SYBU: variants seen among roughly 807,000 people sequenced by gnomAD.
The protein encoded by SYBU is syntabulin.
In SYBU, 21 loss-of-function variants were observed where a neutral mutation model predicts 35.9. That is an observed-to-expected ratio of 0.58 (90% confidence interval 0.41 to 0.84). The LOEUF (loss-of-function observed/expected upper bound fraction) is 0.84. Among genes scored for constraint, SYBU ranks in the 40% least tolerant of loss-of-function variants. The probability of loss-of-function intolerance (pLI) is 0.00; values close to 1 mark genes in which losing one functional copy is unlikely to be tolerated. For synonymous variants in SYBU, 319 were observed against 324.3 expected, an observed-to-expected ratio of 0.98 and a Z score of 0.18; for missense variants, 768 against 848.2, an observed-to-expected ratio of 0.91 and a Z score of 1.17.
At chr8:109,581,417 T>C (rs1823021062) in intron 4 of SYBU, among the ~76,000 whole-genome samples, 1 of 152,336 alleles carries the variant, frequency 6.6e-6, no homozygotes, top group South Asian at 2.1e-4. Context: ...TGCATGTGAG[T>C]ACATTCCACA....
chr8:109,670,341 G>T (rs181138286), intron 1 of SYBU, among the ~76,000 whole-genome samples: 1 of 149,778 alleles, frequency 6.7e-6, no homozygotes, highest in African/African-American at 2.5e-5. Flanking sequence ...TTGGTGTGCT[G>T]CACCCATTAA....
chr8:109,645,305 C>T (rs540010552), upstream of SYBU: 44 of 456,684 alleles, frequency 9.6e-5, no homozygotes, highest in African/African-American at 7.0e-4. Context: ...CCAGCCAAGC[C>T]AGTGCGTCAG....
At chr8:109,595,251 T>TA (rs927025991) in intron 3 of SYBU, among the ~76,000 whole-genome samples, 5 of 151,614 alleles carry the variant, frequency 3.3e-5, no homozygotes, top group African/African-American at 7.3e-5. Context: ...AGCATGAAAA[T>TA]AAAAAAAATA....
intron 1 of SYBU, among the ~76,000 whole-genome samples, chr8:109,680,533 A>G (rs1224850493): frequency 1.8e-5 from 1 of 54,988 alleles, no homozygotes; most frequent in African/African-American, 1.6e-4. Context: ...GAAAACTTAA[A>G]TTTTCTCCCG....
chr8:109,681,877 C>T (rs527582310), upstream of SYBU, among the ~76,000 whole-genome samples: 107 of 152,226 alleles, frequency 7.0e-4, no homozygotes, highest in Non-Finnish European at 1.3e-3. Flanking sequence ...TACCTCCATG[C>T]TGTTCTTGTG....
intron 2 of SYBU, among the ~76,000 whole-genome samples, chr8:109,628,644 G>T (rs1813240279): frequency 6.6e-6 from 1 of 152,214 alleles, no homozygotes; most frequent in African/African-American, 2.4e-5. Context: ...CACCCAGCCA[G>T]AGACCCTCAT....
chr8:109,684,399 A>G (rs1286391019), upstream of SYBU, among the ~76,000 whole-genome samples: 1 of 152,256 alleles, frequency 6.6e-6, no homozygotes. Flanking sequence ...TAAGAGCTGA[A>G]TAATAGATGC....
At chr8:109,598,261 CA>C (rs1825121408) in intron 3 of SYBU, among the ~76,000 whole-genome samples, 1 of 152,158 alleles carries the variant, frequency 6.6e-6, no homozygotes, top group Admixed American at 6.5e-5. Context: ...ATTTTGGGAA[CA>C]TTTTTACATA....
upstream of SYBU, chr8:109,646,527 G>A (rs1815714240): frequency 6.6e-6 from 1 of 152,202 alleles, no homozygotes; most frequent in Non-Finnish European, 1.5e-5. Context: ...TATTTGGGAA[G>A]AAGAGGTGAT....
chr8:109,655,522 T>C (rs563922829), intron 1 of SYBU, among the ~76,000 whole-genome samples: 1 of 152,304 alleles, frequency 6.6e-6, no homozygotes, highest in Non-Finnish European at 1.5e-5. Context: ...ATACATACAT[T>C]TCATCCTATG....
intron 2 of SYBU, among the ~76,000 whole-genome samples, chr8:109,624,583 A>G (rs1369392810): frequency 6.6e-6 from 1 of 152,200 alleles, no homozygotes; most frequent in African/African-American, 2.4e-5. Context: ...AAATGCACCC[A>G]TCGAGTCTTC....
At chr8:109,626,690 C>T (rs1813015443) in intron 2 of SYBU, among the ~76,000 whole-genome samples, 1 of 152,014 alleles carries the variant, frequency 6.6e-6, no homozygotes, top group South Asian at 2.1e-4. Flanking sequence ...CTGGCAGATC[C>T]CTTGAACCCA....
At chr8:109,632,938 T>G (rs1006883906) in intron 2 of SYBU, among the ~76,000 whole-genome samples, 1 of 152,224 alleles carries the variant, frequency 6.6e-6, no homozygotes, top group Admixed American at 6.5e-5. Context: ...TGTTTATTGC[T>G]CTAGCTCAGC....
chr8:109,575,381 A>G lies in SYBU; in HGVS notation c.1517T>C (p.Val506Ala). Residue 506 changes from valine to alanine, a missense_variant, in exon 7 of 7, where the codon GTG (valine) becomes GCG (alanine). Physicochemically the swap from Val to Ala is moderately conservative, Grantham distance 64. Coordinates refer to ENST00000276646, the MANE Select transcript of SYBU (RefSeq NM_001099754.2). ...ACAGGGGTCCTGGAGCTTCTGCAGCACACTCTGAATGAGCTCTGAGATGGC... is the reference window on the plus strand; with the variant it reads ...ACAGGGGTCCTGGAGCTTCTGCAGCGCACTCTGAATGAGCTCTGAGATGGC... ...SPAISELIQS[V>A]LQKLQDPCPS... 1 of 1,614,132 alleles carries G rather than the reference A, an allele frequency of 6.2e-7. No homozygotes were observed. Among genetic ancestry groups the G allele is most frequent in the African/African-American group, 1.3e-5 (1 of 75,020 alleles).
At chr8:109,621,022 T>C (rs1372205138) in intron 2 of SYBU, among the ~76,000 whole-genome samples, 2 of 152,204 alleles carry the variant, frequency 1.3e-5, no homozygotes, top group Non-Finnish European at 2.9e-5. Context: ...TTTAACATTA[T>C]TTCCTTATGA....
At chr8:109,635,179 G>C (rs1814082073) in intron 2 of SYBU, among the ~76,000 whole-genome samples, 1 of 152,178 alleles carries the variant, frequency 6.6e-6, no homozygotes, top group African/African-American at 2.4e-5. Context: ...AATTGTTTCT[G>C]CTGCAGCTGT....
chr8:109,615,997 C>CTTTCTGTTTTT, intron 3 of SYBU, among the ~76,000 whole-genome samples: 1 of 96,026 alleles, frequency 1.0e-5, no homozygotes, highest in East Asian at 3.8e-4. Flanking sequence ...CTTTTCTTTT[C>CTTTCTGTTTTT]TTTTCTTTCT....
intron 3 of SYBU, among the ~76,000 whole-genome samples, chr8:109,601,656 T>A (rs1463283003): frequency 1.3e-5 from 2 of 152,100 alleles, no homozygotes; most frequent in Non-Finnish European, 2.9e-5. Context: ...ATGGCCCTGA[T>A]ACACCAGGAA....
At chr8:109,576,094 T>G in intron 6 of SYBU, 81 bp from the exon 7 acceptor site, 1 of 1,426,732 alleles carries the variant, frequency 7.0e-7, no homozygotes, top group Non-Finnish European at 9.1e-7. Context: ...AACAGGCAGT[T>G]CAGGCAGTTC....
Sources: allele counts gnomAD v4.1 joint callset (sites outside exome capture counted in the v4.1 genomes callset), GRCh38; gene constraint gnomAD v4.1.1; transcripts MANE v1.5; gene names NCBI Gene and HGNC (gene_info 2026-07-23, HGNC 2026-07-21).